ANK2: variants seen among roughly 807,000 people sequenced by gnomAD.
The protein encoded by ANK2 is ankyrin 2.
A neutral mutation model predicts 360.5 loss-of-function variants in ANK2; 83 were observed. That is an observed-to-expected ratio of 0.23 (90% CI 0.19 to 0.28). The LOEUF is 0.28. Ranked by LOEUF, ANK2 falls within the 10% of genes least tolerant of loss-of-function variation. The pLI is 1.00. For missense variants in ANK2, 4,201 were observed against 4,795.7 expected, an observed-to-expected ratio of 0.88 and a Z score of 3.66; for synonymous variants, 1,740 against 1,759.5, an observed-to-expected ratio of 0.99 and a Z score of 0.28.
chr4:113,017,356 A>AT (rs1326419662), intron 2 of ANK2, among the ~76,000 whole-genome samples: 5 of 151,590 alleles, frequency 3.3e-5, no homozygotes, highest in South Asian at 2.1e-4. Flanking sequence ...GCTCTACAGA[A>AT]TTTTTTTTAA....
At chr4:113,204,133 C>T (rs1436045430) in intron 4 of ANK2, among the ~76,000 whole-genome samples, 1 of 151,878 alleles carries the variant, frequency 6.6e-6, no homozygotes, top group Non-Finnish European at 1.5e-5. Flanking sequence ...TCTTTAGATA[C>T]TTATTATTAA....
At chr4:113,133,872 C>A (rs540868033) in intron 1 of ANK2, among the ~76,000 whole-genome samples, 1 of 152,090 alleles carries the variant, frequency 6.6e-6, no homozygotes, top group Non-Finnish European at 1.5e-5. Context: ...TCCAACTGAC[C>A]TTATAATGCT....
chr4:112,986,452 T>A (rs2044899658), intron 2 of ANK2, among the ~76,000 whole-genome samples: 1 of 152,138 alleles, frequency 6.6e-6, no homozygotes. Context: ...GGTTTTTGTT[T>A]GTTTGTTTGT....
intron 24 of ANK2, 65 bp from the exon 25 acceptor site, chr4:113,317,642 C>A: frequency 7.8e-7 from 1 of 1,276,166 alleles, no homozygotes; most frequent in Non-Finnish European, 1.1e-6. Context: ...CTCGGCTCAT[C>A]ATTTTGTCAT....
intron 22 of ANK2, 86 bp downstream of exon 22, chr4:113,293,624 A>T: frequency 7.7e-7 from 1 of 1,291,340 alleles, no homozygotes; most frequent in Non-Finnish European, 1.1e-6. Flanking sequence ...CACTCACAAG[A>T]TGTTTGGAGC....
intron 2 of ANK2, among the ~76,000 whole-genome samples, chr4:112,997,198 G>C (rs1217618234): frequency 2.0e-5 from 3 of 152,000 alleles, no homozygotes; most frequent in African/African-American, 7.3e-5. Context: ...CTGTGGAATG[G>C]CTAAATCAAG....
intron 1 of ANK2, among the ~76,000 whole-genome samples, chr4:112,832,483 C>T (rs1018240906): frequency 5.3e-5 from 8 of 152,194 alleles, no homozygotes; most frequent in African/African-American, 1.9e-4. Flanking sequence ...CCAGGAAAGA[C>T]TATTGTTTCT....
chr4:112,706,107 C>T, the ANK2 span, among the ~76,000 whole-genome samples: 2 of 151,256 alleles, frequency 1.3e-5, no homozygotes, highest in Non-Finnish European at 3.0e-5. Context: ...GCGGGAGACC[C>T]GGGCGTGACA....
Position 112,823,510 on chromosome 4 carries a change from C to T in ANK2, c.-40+5246C>T, listed in dbSNP as rs1000084134. Among the ~76,000 whole-genome samples, 7 of 148,012 alleles carry T rather than the reference C, an allele frequency of 4.7e-5. No homozygotes were observed. The East Asian group carries it at 1.4e-3, about 29-fold the overall frequency. On this transcript the variant is annotated intron_variant, in intron 1 of 30. Coordinates refer to the ANK2 transcript ENST00000503271. ...TAGTTGTTAATGGTCCTAGTATGAA[C>T]AGACAGAAACTCCAAATAAAGATAT...
At chr4:112,855,742 A>T (rs1273521156) in intron 1 of ANK2, among the ~76,000 whole-genome samples, 1 of 152,224 alleles carries the variant, frequency 6.6e-6, no homozygotes, top group Non-Finnish European at 1.5e-5. Context: ...GGAGAGTGAC[A>T]GAGCCAGTGT....
chr4:112,841,266 A>C (rs1157650414), intron 1 of ANK2, among the ~76,000 whole-genome samples: 3 of 152,216 alleles, frequency 2.0e-5, no homozygotes, highest in Non-Finnish European at 4.4e-5. Context: ...GCATATTTAG[A>C]AGGCTGAACA....
At chr4:113,128,025 A>G (rs371582223) in intron 1 of ANK2, among the ~76,000 whole-genome samples, 3 of 152,382 alleles carry the variant, frequency 2.0e-5, no homozygotes, top group East Asian at 3.8e-4. Context: ...TTTCATGTGC[A>G]AGTCAGAAGG....
intron 1 of ANK2, 150 bp downstream of exon 1, chr4:113,049,962 G>T: frequency 1.0e-6 from 1 of 960,404 alleles, no homozygotes. Flanking sequence ...TAAAGAGGCA[G>T]GTGCAAACTG....
chr4:113,088,693 T>G (rs1188301434), intron 1 of ANK2, among the ~76,000 whole-genome samples: 1 of 152,230 alleles, frequency 6.6e-6, no homozygotes, highest in East Asian at 1.9e-4. Context: ...GAAAGGAAAT[T>G]AACATTTATC....
intron 1 of ANK2, among the ~76,000 whole-genome samples, chr4:113,052,748 G>A (rs141472355): frequency 1.5e-4 from 23 of 152,224 alleles, no homozygotes; most frequent in East Asian, 3.9e-4. Flanking sequence ...ACTCATTGCC[G>A]CGAGGAGGAT....
intron 1 of ANK2, among the ~76,000 whole-genome samples, chr4:113,131,878 A>G (rs60788976): frequency 0.011 from 1,721 of 152,320 alleles, 31 homozygotes; most frequent in African/African-American, 0.038. Context: ...CAGGGATAAA[A>G]ACACATCCGG....
Position 113,381,924 on chromosome 4 carries a change from A to G in ANK2, c.*453A>G, listed in dbSNP as rs1343481442. On this transcript the variant is annotated 3_prime_UTR_variant, in exon 46 of 46. Transcript: ENST00000357077. Reference sequence around the variant, plus strand: ...CCTCCATTGTTCTTTGCTTCTGCACAAGATCCATGAAAATCCATTGATCAG... The same window carrying G: ...CCTCCATTGTTCTTTGCTTCTGCACGAGATCCATGAAAATCCATTGATCAG... The G allele has an allele frequency of 3.8e-5, 13 of 340,914 alleles. No homozygotes were observed. Among genetic ancestry groups the G allele is most frequent in the South Asian group, 2.2e-4 (9 of 40,302 alleles). 21.1% of individuals were successfully genotyped at this position (340,914 alleles called of 1,614,324 possible).
the ANK2 span, among the ~76,000 whole-genome samples, chr4:112,710,378 A>G: frequency 1.3e-5 from 2 of 152,054 alleles, no homozygotes; most frequent in Non-Finnish European, 2.9e-5. Flanking sequence ...AGTTGAAGTA[A>G]TTTTCATTAC....
chr4:112,788,171 C>G, the ANK2 span: 1 of 1,583,852 alleles, frequency 6.3e-7, no homozygotes, highest in East Asian at 2.2e-5. Flanking sequence ...GATGTTGCCA[C>G]CCCAGTGACG....
Sources: allele counts gnomAD v4.1 joint callset (sites outside exome capture counted in the v4.1 genomes callset), GRCh38; gene constraint gnomAD v4.1.1; transcripts MANE v1.5; gene names NCBI Gene and HGNC (gene_info 2026-07-23, HGNC 2026-07-21).